The following PRKAR2B variants were observed in gnomAD, a reference collection of about 807,000 sequenced individuals.
PRKAR2B encodes the protein protein kinase cAMP-dependent type II regulatory subunit beta.
PRKAR2B carries 14 observed loss-of-function variants against 49.9 expected under a neutral mutation model. That is an observed-to-expected ratio of 0.28 (90% CI 0.19 to 0.44). The LOEUF is 0.44. Ranked by LOEUF, PRKAR2B falls within the 20% of genes least tolerant of loss-of-function variation. The probability of loss-of-function intolerance (pLI) is 1.00; values close to 1 mark genes in which losing one functional copy is unlikely to be tolerated. For missense variants in PRKAR2B, 393 were observed against 537.9 expected (o/e 0.73, Z 2.67); for synonymous variants, 196 against 197.7 (o/e 0.99, Z 0.07).
At chr7:107,102,028 A>C (rs1794978062) in intron 2 of PRKAR2B, among the ~76,000 whole-genome samples, 1 of 152,118 alleles carries the variant, frequency 6.6e-6, no homozygotes, top group Non-Finnish European at 1.5e-5. Context: ...AAGACTCACC[A>C]GTCTGCTGAT....
intron 1 of PRKAR2B, among the ~76,000 whole-genome samples, chr7:107,060,648 C>T (rs1794011096): frequency 7.0e-6 from 1 of 142,092 alleles, no homozygotes; most frequent in Non-Finnish European, 1.5e-5. Context: ...TCCTTCCTTC[C>T]TTCCTTTAAT....
chr7:107,061,054 A>G (rs938578513), intron 1 of PRKAR2B, among the ~76,000 whole-genome samples: 1 of 152,158 alleles, frequency 6.6e-6, no homozygotes, highest in Non-Finnish European at 1.5e-5. Context: ...ACAAATTTCC[A>G]CATACATGTG....
chr7:107,146,840 T>C (rs1276931342), intron 6 of PRKAR2B, among the ~76,000 whole-genome samples: 1 of 152,168 alleles, frequency 6.6e-6, no homozygotes, highest in Non-Finnish European at 1.5e-5. Context: ...CAGAGTGTGG[T>C]CCCCTGAACA....
At chr7:107,108,754 G>C (rs1795120876) in intron 2 of PRKAR2B, among the ~76,000 whole-genome samples, 1 of 152,192 alleles carries the variant, frequency 6.6e-6, no homozygotes, top group African/African-American at 2.4e-5. Context: ...TATAGCTCCA[G>C]AGCCCCAATT....
intron 2 of PRKAR2B, among the ~76,000 whole-genome samples, chr7:107,115,117 CTAAA>C (rs145814985): frequency 0.024 from 3,690 of 151,702 alleles, 138 homozygotes; most frequent in African/African-American, 0.082. Flanking sequence ...TAGAACCTAC[CTAAA>C]TAAAGGTAAA....
Position 107,045,162 on chromosome 7 carries a change from C to T in PRKAR2B, c.255C>T (p.Ser85=). Residue 85 remains serine, a synonymous_variant, in exon 1 of 11, where the codon TCC becomes TCT. Transcript: ENST00000265717. ...NFAEEPMQSD[S]EDGEEEEAAP... ...CCGAGGAGCCCATGCAGTCCGACTCCGAGGACGGGGAGGAGGAGGAGGCGG... is the reference window on the plus strand; with the variant it reads ...CCGAGGAGCCCATGCAGTCCGACTCTGAGGACGGGGAGGAGGAGGAGGCGG... 2 of 1,489,950 alleles carry T rather than the reference C, an allele frequency of 1.3e-6. No homozygotes were observed. The highest frequency in any genetic ancestry group is 2.5e-5 in the South Asian group (2 of 79,432). 92.3% of individuals were successfully genotyped at this position (1,489,950 alleles called of 1,614,324 possible).
At chr7:107,129,495 A>G (rs1795559050) in intron 4 of PRKAR2B, among the ~76,000 whole-genome samples, 1 of 152,176 alleles carries the variant, frequency 6.6e-6, no homozygotes, top group Admixed American at 6.5e-5. Flanking sequence ...CTGTACGCGC[A>G]CTAGGCTCTC....
At chr7:107,154,296 A>G (rs913620082) in intron 8 of PRKAR2B, among the ~76,000 whole-genome samples, 2 of 152,234 alleles carry the variant, frequency 1.3e-5, no homozygotes, top group African/African-American at 4.8e-5. Context: ...GTTTCTCCTA[A>G]TGCGTTTTGC....
intron 2 of PRKAR2B, 69 bp from the exon 3 acceptor site, chr7:107,121,883 A>T (rs1795395350): frequency 2.2e-6 from 2 of 908,582 alleles, no homozygotes; most frequent in Non-Finnish European, 3.4e-6. Flanking sequence ...ATTAAGTGTT[A>T]ACGATGTACT....
chr7:107,083,841 G>A (rs934324497), intron 2 of PRKAR2B, among the ~76,000 whole-genome samples: 6 of 152,192 alleles, frequency 3.9e-5, no homozygotes, highest in Admixed American at 1.3e-4. Context: ...TCAAACTCCT[G>A]ACGTTGTGAT....
chr7:107,127,585 T>C (rs1309501790), intron 3 of PRKAR2B, among the ~76,000 whole-genome samples: 1 of 152,284 alleles, frequency 6.6e-6, no homozygotes, highest in Non-Finnish European at 1.5e-5. Context: ...CTCCTTGGAC[T>C]CTTTTTCCCT....
chr7:107,150,625 G>A (rs768066108), intron 6 of PRKAR2B, among the ~76,000 whole-genome samples: 187 of 150,792 alleles, frequency 1.2e-3, no homozygotes, highest in Non-Finnish European at 5.8e-4. Context: ...CTGTGACAGC[G>A]CCTCCTTGTG....
intron 5 of PRKAR2B, among the ~76,000 whole-genome samples, chr7:107,143,179 G>GT (rs1317023052): frequency 6.6e-6 from 1 of 152,212 alleles, no homozygotes; most frequent in Non-Finnish European, 1.5e-5. Flanking sequence ...GTAGCCGAGT[G>GT]TAGAGAACAG....
chr7:107,100,888 T>C (rs554648627), intron 2 of PRKAR2B, among the ~76,000 whole-genome samples: 2 of 152,166 alleles, frequency 1.3e-5, no homozygotes, highest in Admixed American at 1.3e-4. Flanking sequence ...TACTCTTTGA[T>C]TGATTAAACC....
At chr7:107,060,840 C>A (rs1242045852) in intron 1 of PRKAR2B, among the ~76,000 whole-genome samples, 1 of 151,970 alleles carries the variant, frequency 6.6e-6, no homozygotes, top group Admixed American at 6.6e-5. Context: ...CATCACTAAC[C>A]CAAATTAAAA....
intron 1 of PRKAR2B, among the ~76,000 whole-genome samples, chr7:107,063,856 CTT>C (rs1331626439): frequency 6.6e-6 from 1 of 152,150 alleles, no homozygotes; most frequent in Admixed American, 6.5e-5. Flanking sequence ...AATTTGAACT[CTT>C]TGCAGCTTCC....
intron 2 of PRKAR2B, among the ~76,000 whole-genome samples, chr7:107,108,210 A>G (rs765586965): frequency 2.6e-5 from 4 of 152,212 alleles, no homozygotes; most frequent in Non-Finnish European, 4.4e-5. Flanking sequence ...GCCACTGGAC[A>G]ACGTGACTCT....
chr7:107,094,121 C>T (rs1794789870), intron 2 of PRKAR2B, among the ~76,000 whole-genome samples: 1 of 152,200 alleles, frequency 6.6e-6, no homozygotes, highest in Non-Finnish European at 1.5e-5. Context: ...AGTTTACAGT[C>T]CCACCAACAG....
At chr7:107,111,040 C>T (rs1258622738) in intron 2 of PRKAR2B, among the ~76,000 whole-genome samples, 3 of 152,182 alleles carry the variant, frequency 2.0e-5, no homozygotes, top group Non-Finnish European at 4.4e-5. Context: ...GGGGAGCCCA[C>T]TGCCCAAAGG....
Sources: allele counts gnomAD v4.1 joint callset (sites outside exome capture counted in the v4.1 genomes callset), GRCh38; gene constraint gnomAD v4.1.1; transcripts MANE v1.5; gene names NCBI Gene and HGNC (gene_info 2026-07-23, HGNC 2026-07-21).